SYNGR1: variants seen among roughly 807,000 people sequenced by gnomAD.
SYNGR1 encodes synaptogyrin-1.
Under a neutral mutation model 26.1 loss-of-function variants are expected in SYNGR1, and 14 were observed. That is an observed-to-expected ratio of 0.54 (90% CI 0.35 to 0.84). The LOEUF is 0.84. SYNGR1 is among the 40% of genes least tolerant of loss of function. The pLI is 0.01. For missense variants in SYNGR1, 319 were observed against 332.9 expected (o/e 0.96, Z 0.33); for synonymous variants, 141 against 150.1 (o/e 0.94, Z 0.44).
At position 39,381,796 on chromosome 22, in the gene SYNGR1, C is replaced by T; in HGVS notation, c.584C>T (p.Pro195Leu). The change falls in exon 4 of 4, where the codon CCT (proline) becomes CTT (leucine). Residue 195 changes from proline (P) to leucine (L), a missense_variant. Physicochemically the swap from Pro to Leu is moderately conservative, Grantham distance 98. Coordinates refer to ENST00000328933, the MANE Select transcript of SYNGR1 (RefSeq NM_004711.5). Reference sequence around the variant, plus strand: ...GACCCCAGCCAGGACTCCAGCATGCCTTACGCGCCCTACGTGGAGCCCACT... The same window carrying T: ...GACCCCAGCCAGGACTCCAGCATGCTTTACGCGCCCTACGTGGAGCCCACT... ...YMDPSQDSSM[P>L]YAPYVEPTGP... The T allele has an allele frequency of 1.3e-6, 2 of 1,587,912 alleles. No individual in the cohort carries two copies. Among genetic ancestry groups the T allele is most frequent in the Non-Finnish European group, 1.7e-6 (2 of 1,173,720 alleles).
rs1205464198 is a variant in SYNGR1 at position 39,374,505 on chromosome 22, A to G, written c.289A>G (p.Ser97Gly). 6.2e-7 allele frequency: 1 copy of G among 1,613,652 alleles called. No individual in the cohort carries two copies. Among genetic ancestry groups the G allele is most frequent in the Admixed American group, 1.7e-5 (1 of 60,014 alleles). ...GGACGTGTACTTCCCGCAGATCAGC[A>G]GCGTCAAGGACCGCAAGAAAGCCGT... Reference protein sequence around the residue: ...ALDVYFPQISSVKDRKKAVLS... With the variant: ...ALDVYFPQISGVKDRKKAVLS... The change falls in exon 2 of 4, where the codon AGC (serine) becomes GGC (glycine). Residue 97 changes from serine to glycine, a missense_variant. Physicochemically the swap from Ser to Gly is moderately conservative, Grantham distance 56. Transcript: ENST00000328933.
At position 39,374,410 on chromosome 22, in the gene SYNGR1, C is replaced by T; in HGVS notation, c.194C>T (p.Pro65Leu). ...GEEFCIYNRNPNACSYGVAVG... is the reference protein window; with the variant it reads ...GEEFCIYNRNLNACSYGVAVG... Reference sequence around the variant, plus strand: ...GAGTTCTGCATCTACAACCGCAACCCCAACGCCTGCAGCTATGGCGTGGCC... The same window carrying T: ...GAGTTCTGCATCTACAACCGCAACCTCAACGCCTGCAGCTATGGCGTGGCC... The change falls in exon 2 of 4, where the codon CCC becomes CTC. Residue 65 changes from proline to leucine, a missense_variant. Coordinates refer to ENST00000328933, the MANE Select transcript of SYNGR1 (RefSeq NM_004711.5). 1 of 1,614,068 alleles carries T rather than the reference C, an allele frequency of 6.2e-7. No homozygotes were observed. The highest frequency in any genetic ancestry group is 8.5e-7 in the Non-Finnish European group (1 of 1,180,030).
rs765187668 is a variant in SYNGR1 at position 39,381,680 on chromosome 22, C to T, written c.484-16C>T. The T allele has an allele frequency of 1.2e-5, 19 of 1,613,042 alleles. No individual in the cohort carries two copies. Among genetic ancestry groups the T allele is most frequent in the Middle Eastern group, 1.6e-4 (1 of 6,084 alleles). On this transcript the variant is annotated splice_polypyrimidine_tract_variant and intron_variant, in intron 3 of 3. Coordinates refer to ENST00000328933, the MANE Select transcript of SYNGR1 (RefSeq NM_004711.5). ...CCCTCCCGCCTGTCCTTGTCCTCGCCGGCCTTTGTCCCCAGGCGGGCCAGG... is the reference window on the plus strand; with the variant it reads ...CCCTCCCGCCTGTCCTTGTCCTCGCTGGCCTTTGTCCCCAGGCGGGCCAGG...
In SYNGR1 at chr22:39,350,408, C is replaced by T. The variant is rs975653208; in HGVS notation, c.99+299C>T. ...GCCCCGATTGCTGTGACCTCCAGGC[C>T]GCGGCTATGCCGCGAAAGGCTCGGA... On this transcript the variant is annotated intron_variant, in intron 1 of 3. Transcript: ENST00000328933. This position sits in a 1 kb window ranked among gnomAD's most constrained non-coding sequence, Gnocchi z 4.3. 3.3e-5 allele frequency among the ~76,000 whole-genome samples: 5 copies of T among 152,186 alleles called. No individual in the cohort carries two copies. Among genetic ancestry groups the T allele is most frequent in the Non-Finnish European group, 4.4e-5 (3 of 68,030 alleles).
chr22:39,363,356 G>T (rs1924579184), intron 1 of SYNGR1, among the ~76,000 whole-genome samples: 1 of 151,928 alleles, frequency 6.6e-6, no homozygotes, highest in South Asian at 2.1e-4. Flanking sequence ...GAGTGTGGGG[G>T]TGCAAGTGGA....
chr22:39,361,069 C>G (rs1304385264), intron 1 of SYNGR1, among the ~76,000 whole-genome samples: 1 of 152,244 alleles, frequency 6.6e-6, no homozygotes, highest in East Asian at 1.9e-4. Flanking sequence ...CAAATATCAC[C>G]TCCCTGTGAA....
At chr22:39,369,193 C>G (rs1467313384) in intron 1 of SYNGR1, among the ~76,000 whole-genome samples, 2 of 152,154 alleles carry the variant, frequency 1.3e-5, no homozygotes, top group African/African-American at 4.8e-5. Flanking sequence ...TGACAGTTTT[C>G]TGGTAGGAGC....
chr22:39,380,674 G>A (rs888042004), intron 3 of SYNGR1, among the ~76,000 whole-genome samples: 3 of 136,336 alleles, frequency 2.2e-5, no homozygotes, highest in African/African-American at 8.7e-5. Flanking sequence ...AGGCTAGAGT[G>A]CAGTGGCGCT....
Position 39,377,452 on chromosome 22 carries a change from G to T in SYNGR1, c.483+1255G>T, listed in dbSNP as rs1925335056. On this transcript the variant is annotated intron_variant, in intron 3 of 3. Transcript: ENST00000328933. ...CTACAGGGAGGAGTTTAGGGGCGGG[G>T]CTCACAGAGGAGTAGTGGATGATTT... The T allele has an allele frequency of 2.6e-6, 4 of 1,514,432 alleles. No individual in the cohort carries two copies. The Admixed American group carries it at 6.0e-5, about 23-fold the overall frequency. 93.8% of individuals were successfully genotyped at this position (1,514,432 alleles called of 1,614,324 possible).
At chr22:39,352,203 G>A (rs1809169933) in intron 1 of SYNGR1, among the ~76,000 whole-genome samples, 1 of 152,154 alleles carries the variant, frequency 6.6e-6, no homozygotes. Context: ...GGACACAAAG[G>A]TCACCTGGAC....
intron 1 of SYNGR1, among the ~76,000 whole-genome samples, chr22:39,373,398 C>T (rs1925121953): frequency 6.6e-6 from 1 of 151,666 alleles, no homozygotes; most frequent in Admixed American, 6.6e-5. Flanking sequence ...AAACTCCTGA[C>T]CTCGTGATCC....
intron 1 of SYNGR1, among the ~76,000 whole-genome samples, chr22:39,373,583 A>G (rs934244918): frequency 1.3e-5 from 2 of 152,110 alleles, no homozygotes; most frequent in African/African-American, 2.4e-5. Context: ...CCTGGGCTCA[A>G]GAGATCCTCC....
intron 3 of SYNGR1, among the ~76,000 whole-genome samples, chr22:39,381,481 G>C (rs1925494606): frequency 6.6e-6 from 1 of 152,144 alleles, no homozygotes; most frequent in African/African-American, 2.4e-5. Flanking sequence ...CTTTCTGGCT[G>C]GATGATATGG....
At chr22:39,358,706 C>T (rs1924306221) in intron 1 of SYNGR1, among the ~76,000 whole-genome samples, 1 of 152,110 alleles carries the variant, frequency 6.6e-6, no homozygotes, top group African/African-American at 2.4e-5. Flanking sequence ...AGACGCACCA[C>T]CTTAAGAGCT....
intron 3 of SYNGR1, 48 bp downstream of exon 3, chr22:39,376,245 C>G (rs1436369323): frequency 6.2e-7 from 1 of 1,613,394 alleles, no homozygotes; most frequent in South Asian, 1.1e-5. Context: ...CCTTTCCCCA[C>G]TGAGCCCCTG....
intron 1 of SYNGR1, among the ~76,000 whole-genome samples, chr22:39,372,914 C>T (rs749659167): frequency 6.6e-6 from 1 of 152,014 alleles, no homozygotes; most frequent in Admixed American, 6.6e-5. Flanking sequence ...AAGGGTAGTC[C>T]AAAACACAAC....
At chr22:39,370,661 C>G (rs547968523) in intron 1 of SYNGR1, among the ~76,000 whole-genome samples, 4 of 149,526 alleles carry the variant, frequency 2.7e-5, no homozygotes, top group African/African-American at 9.9e-5. Context: ...CCCGCTCTGT[C>G]GGCTGGAGTG....
At chr22:39,357,243 C>A (rs1467832531) in intron 1 of SYNGR1, among the ~76,000 whole-genome samples, 1 of 151,264 alleles carries the variant, frequency 6.6e-6, no homozygotes, top group Non-Finnish European at 1.5e-5. Flanking sequence ...TCCAGCCAGG[C>A]AACAGAGCAA....
intron 1 of SYNGR1, among the ~76,000 whole-genome samples, chr22:39,365,818 C>G (rs1053929625): frequency 6.6e-6 from 1 of 151,914 alleles, no homozygotes; most frequent in African/African-American, 2.4e-5. Context: ...CGACTTCCTC[C>G]CCCATCTGCT....
Sources: gnomAD v4.1 joint callset for allele counts (sites outside exome capture counted in the v4.1 genomes callset) on GRCh38, gnomAD v4.1.1 for gene constraint, Gnocchi (gnomAD v3.1) non-coding constraint, MANE v1.5 for transcripts, NCBI Gene and HGNC (gene_info 2026-07-23, HGNC 2026-07-21) for gene names.